SREK1IP1: variants seen among roughly 807,000 people sequenced by gnomAD.
SREK1IP1 encodes SREK1 interacting protein 1.
A neutral mutation model predicts 22.8 loss-of-function variants in SREK1IP1; 12 were observed. That is an observed-to-expected ratio of 0.53 (90% CI 0.34 to 0.85). The LOEUF is 0.85. Among genes scored for constraint, SREK1IP1 ranks in the 40% least tolerant of loss-of-function variants. The probability of loss-of-function intolerance (pLI) is 0.02; values close to 1 mark genes in which losing one functional copy is unlikely to be tolerated. For missense variants in SREK1IP1, 147 were observed against 171.8 expected, an observed-to-expected ratio of 0.86 and a Z score of 0.81; for synonymous variants, 53 against 52.7, an observed-to-expected ratio of 1.01 and a Z score of -0.02.
chr5:64,722,971 G>A lies in SREK1IP1; in HGVS notation c.*1413C>T, dbSNP rs989445711. On this transcript the variant is annotated 3_prime_UTR_variant, in exon 5 of 5. Transcript: ENST00000513458. Reference sequence around the variant, plus strand: ...TGATTTCACTATCATGAATTCACCTGCAGCCGTATCTATAGGTTATCAATT... The same window carrying A: ...TGATTTCACTATCATGAATTCACCTACAGCCGTATCTATAGGTTATCAATT... 6.6e-6 allele frequency: 1 copy of A among 152,204 alleles called. No homozygotes were observed. Among genetic ancestry groups the A allele is most frequent in the African/African-American group, 2.4e-5 (1 of 41,450 alleles). 9.4% of individuals were successfully genotyped at this position (152,204 alleles called of 1,614,324 possible).
Position 64,768,570 on chromosome 5 carries a change from T to C in SREK1IP1, c.-53A>G. On this transcript the variant is annotated 5_prime_UTR_variant, in exon 1 of 5. Coordinates refer to ENST00000513458, the MANE Select transcript of SREK1IP1 (RefSeq NM_173829.4). ...CTCTGGCTTTCGAAAAGGCGCTTGC[T>C]TCCCGCCAGCTGTGAGAACAAGGCA... The C allele has an allele frequency of 6.2e-7, 1 of 1,613,728 alleles. No homozygotes were observed. The highest frequency in any genetic ancestry group is 8.5e-7 in the Non-Finnish European group (1 of 1,179,804).
chr5:64,725,520 A>G (rs534529803), intron 4 of SREK1IP1, among the ~76,000 whole-genome samples: 1 of 152,192 alleles, frequency 6.6e-6, no homozygotes, highest in Non-Finnish European at 1.5e-5. Context: ...AATTCAGGAG[A>G]CTACAGGGCT....
chr5:64,740,338 G>A (rs1742532629), intron 3 of SREK1IP1, among the ~76,000 whole-genome samples: 1 of 152,096 alleles, frequency 6.6e-6, no homozygotes, highest in South Asian at 2.1e-4. Context: ...TTAGTAGGAT[G>A]TAACTGAGAT....
At chr5:64,740,209 CAGAG>C (rs1225419622) in intron 3 of SREK1IP1, among the ~76,000 whole-genome samples, 1 of 151,994 alleles carries the variant, frequency 6.6e-6, no homozygotes, top group Non-Finnish European at 1.5e-5. Flanking sequence ...CCAGGAAAGA[CAGAG>C]AGTGACCTGG....
rs147163146 is a variant in SREK1IP1 at position 64,751,662 on chromosome 5, T to C, written c.61+2653A>G. Among the ~76,000 whole-genome samples, 77 of 152,340 alleles carry C rather than the reference T, an allele frequency of 5.1e-4. No individual in the cohort carries two copies. The East Asian group carries it at 0.014, about 27-fold the overall frequency. On this transcript the variant is annotated intron_variant, in intron 2 of 4. Transcript: ENST00000513458. ...CGTCATAGTGCTGCACCCTCCATCC[T>C]GTTGCTGACAATAAAAAACACTTCT... is the stretch of plus-strand genomic sequence containing the variant.
chr5:64,740,075 C>A (rs1205524763), intron 3 of SREK1IP1, among the ~76,000 whole-genome samples: 2 of 152,034 alleles, frequency 1.3e-5, no homozygotes, highest in Non-Finnish European at 2.9e-5. Context: ...TAATTTATGG[C>A]ATCACGTTTA....
chr5:64,756,475 T>G (rs947130555), intron 1 of SREK1IP1, among the ~76,000 whole-genome samples: 2 of 152,242 alleles, frequency 1.3e-5, no homozygotes, highest in African/African-American at 4.8e-5. Context: ...TTCATCCATA[T>G]TATAGCATGT....
chr5:64,763,554 G>GAA (rs142924171), intron 1 of SREK1IP1, among the ~76,000 whole-genome samples: 2 of 144,512 alleles, frequency 1.4e-5, no homozygotes, highest in East Asian at 2.0e-4. Flanking sequence ...CCCAAAAAAA[G>GAA]AAAAAAAAAA....
intron 3 of SREK1IP1, among the ~76,000 whole-genome samples, chr5:64,739,834 C>T (rs566827956): frequency 7.9e-5 from 12 of 152,104 alleles, no homozygotes; most frequent in Admixed American, 2.0e-4. Context: ...TCCTTTTCAG[C>T]TTGTTCTAGC....
chr5:64,738,588 C>T (rs1742503745), intron 3 of SREK1IP1, among the ~76,000 whole-genome samples: 1 of 152,096 alleles, frequency 6.6e-6, no homozygotes, highest in African/African-American at 2.4e-5. Flanking sequence ...AAATATATTA[C>T]ACAGCTATAG....
At chr5:64,738,725 G>T (rs1465634452) in intron 3 of SREK1IP1, among the ~76,000 whole-genome samples, 1 of 152,096 alleles carries the variant, frequency 6.6e-6, no homozygotes, top group Non-Finnish European at 1.5e-5. Context: ...AACACACAAT[G>T]GGAAAAGGAT....
intron 2 of SREK1IP1, among the ~76,000 whole-genome samples, chr5:64,752,182 C>G (rs184606886): frequency 8.7e-6 from 1 of 115,548 alleles, no homozygotes. Context: ...GATGGAGTCT[C>G]GCTCCATCGC....
chr5:64,724,067 C>A lies in SREK1IP1; in HGVS notation c.*317G>T, dbSNP rs760987281. On this transcript the variant is annotated 3_prime_UTR_variant, in exon 5 of 5. Coordinates refer to ENST00000513458, the MANE Select transcript of SREK1IP1 (RefSeq NM_173829.4). The stretch of plus-strand genomic sequence containing the variant: ...ATGACCCATGTTGATGGCAGTAAAG[C>A]CATTTTACAATGAACTTATGAAGTA... 5.2e-6 allele frequency: 1 copy of A among 191,104 alleles called. No individual in the cohort carries two copies. Among genetic ancestry groups the A allele is most frequent in the Non-Finnish European group, 1.1e-5 (1 of 94,154 alleles). The allele number at this position is 191,104 out of a possible 1,614,324, so 11.8% of individuals were successfully genotyped here.
Position 64,721,187 on chromosome 5 carries a change from C to T in SREK1IP1, c.*3197G>A, listed in dbSNP as rs150784608. 2.8e-4 allele frequency: 42 copies of T among 152,308 alleles called. No individual in the cohort carries two copies. Among genetic ancestry groups the T allele is most frequent in the African/African-American group, 9.6e-4 (40 of 41,572 alleles). The allele number at this position is 152,308 out of a possible 1,614,324, so 9.4% of individuals were successfully genotyped here. On this transcript the variant is annotated 3_prime_UTR_variant, in exon 5 of 5. Transcript: ENST00000513458. The stretch of plus-strand genomic sequence containing the variant: ...ACTCATGTTCATGTCAATTACTGCA[C>T]TAATTATATAACGGTGTATGCTCTG...
intron 2 of SREK1IP1, among the ~76,000 whole-genome samples, chr5:64,751,824 C>T (rs1156767397): frequency 6.6e-6 from 1 of 152,154 alleles, no homozygotes; most frequent in African/African-American, 2.4e-5. Flanking sequence ...GTGGTTTACA[C>T]ACACAAGACT....
chr5:64,728,200 G>A, intron 3 of SREK1IP1, 21 bp from the exon 4 acceptor site: 1 of 1,361,976 alleles, frequency 7.3e-7, no homozygotes, highest in Non-Finnish European at 9.5e-7. Flanking sequence ...GAGGTGAGAA[G>A]AAAAAAATCT....
At chr5:64,765,473 A>T (rs1321193000) in intron 1 of SREK1IP1, among the ~76,000 whole-genome samples, 1 of 152,242 alleles carries the variant, frequency 6.6e-6, no homozygotes, top group Non-Finnish European at 1.5e-5. Flanking sequence ...CTCCTTGATG[A>T]TAACCTTGAA....
Position 64,733,064 on chromosome 5 carries a change from T to C in SREK1IP1, c.206-4885A>G, listed in dbSNP as rs180736886. Among the ~76,000 whole-genome samples the C allele has an allele frequency of 9.2e-5, 14 of 151,942 alleles. No individual in the cohort carries two copies. In the East Asian group the frequency reaches 2.7e-3, roughly 29 times the overall value. On this transcript the variant is annotated intron_variant, in intron 3 of 4. Coordinates refer to ENST00000513458, the MANE Select transcript of SREK1IP1 (RefSeq NM_173829.4). ...ACTCAAAATTTATCATGGACTTAAA[T>C]GTAAAATTAAAACCACAAAACTTTT...
At chr5:64,746,569 A>G (rs890320988) in intron 2 of SREK1IP1, among the ~76,000 whole-genome samples, 4 of 152,206 alleles carry the variant, frequency 2.6e-5, no homozygotes, top group Admixed American at 2.6e-4. Flanking sequence ...AATGGTGAAT[A>G]AGCACATGAA....
Sources: gnomAD v4.1 joint callset for allele counts (sites outside exome capture counted in the v4.1 genomes callset) on GRCh38, gnomAD v4.1.1 for gene constraint, MANE v1.5 for transcripts, NCBI Gene and HGNC (gene_info 2026-07-23, HGNC 2026-07-21) for gene names.